The following TVP23A variants were observed in gnomAD, a reference collection of about 807,000 sequenced individuals.
The protein encoded by TVP23A is trans-golgi network vesicle protein 23 homolog A, also known as Golgi apparatus membrane protein TVP23 homolog A.
In TVP23A, 21 loss-of-function variants were observed where a neutral mutation model predicts 31.7. That is an observed-to-expected ratio of 0.66 (90% CI 0.47 to 0.95). TVP23A has a LOEUF of 0.95. Among genes scored for constraint, TVP23A ranks in the 40% least tolerant of loss-of-function variants. The pLI is 0.00. For missense variants in TVP23A, 279 were observed against 255.6 expected, an observed-to-expected ratio of 1.09 and a Z score of -0.62; for synonymous variants, 104 against 96.0, an observed-to-expected ratio of 1.08 and a Z score of -0.49.
At chr16:10,765,324 T>C (rs975321156), downstream of TVP23A, among the ~76,000 whole-genome samples, 1 of 114,554 alleles carries the variant, frequency 8.7e-6, no homozygotes, top group East Asian at 2.4e-4. This position sits in a 1 kb window ranked among gnomAD's most constrained non-coding sequence, Gnocchi z 4.0. Context: ...ATACCTCATC[T>C]CTTAAAAAAA....
intron 3 of TVP23A, among the ~76,000 whole-genome samples, chr16:10,774,598 TTCTC>T (rs146066049): frequency 2.0e-4 from 28 of 140,876 alleles, no homozygotes; most frequent in Admixed American, 1.1e-3. Flanking sequence ...TTGGCTCTCA[TTCTC>T]TCTCTTTTTT....
At chr16:10,814,836 A>T (rs959215459) in intron 2 of TVP23A, among the ~76,000 whole-genome samples, 1 of 152,200 alleles carries the variant, frequency 6.6e-6, no homozygotes, top group South Asian at 2.1e-4. Flanking sequence ...TCAGTGGACA[A>T]TGCACCTCCA....
At chr16:10,816,578 C>A (rs1360428751) in intron 2 of TVP23A, among the ~76,000 whole-genome samples, 2 of 152,118 alleles carry the variant, frequency 1.3e-5, no homozygotes, top group Non-Finnish European at 2.9e-5. Context: ...AAGTGATCTG[C>A]CCGCCTTGGC....
downstream of TVP23A, chr16:10,758,022 C>T: frequency 6.2e-7 from 1 of 1,612,424 alleles, no homozygotes; most frequent in South Asian, 1.1e-5. Context: ...CATCACCACT[C>T]CCCAGGTGAG....
intron 2 of TVP23A, among the ~76,000 whole-genome samples, chr16:10,805,698 TG>T (rs2033911027): frequency 6.6e-6 from 1 of 151,728 alleles, no homozygotes; most frequent in African/African-American, 2.4e-5. Flanking sequence ...CAAGTTACTT[TG>T]TTTTGATCAT....
chr16:10,779,192 G>T lies in TVP23A; in HGVS notation c.90-4096C>A, dbSNP rs1596510972. On this transcript the variant is annotated intron_variant, in intron 2 of 7. Coordinates refer to ENST00000299866, the MANE Select transcript of TVP23A (RefSeq NM_001079512.4). This position sits in a 1 kb window ranked among gnomAD's most constrained non-coding sequence, Gnocchi z 4.9. ...AATGGAAAGTGGTGTTACTCAAACA[G>T]AGTTCAAAGCCCAAAGCAAGTAGAA... Among the ~76,000 whole-genome samples, 1 of 152,162 alleles carries T rather than the reference G, an allele frequency of 6.6e-6. No homozygotes were observed. The highest frequency in any genetic ancestry group is 2.1e-4 in the South Asian group (1 of 4,832).
intron 2 of TVP23A, among the ~76,000 whole-genome samples, chr16:10,794,773 G>C (rs2033295306): frequency 6.6e-6 from 1 of 152,060 alleles, no homozygotes; most frequent in African/African-American, 2.4e-5. Context: ...GTCTGAGAGG[G>C]GGCCACCTGT....
chr16:10,758,956 A>G (rs1900757924), downstream of TVP23A, among the ~76,000 whole-genome samples: 1 of 152,180 alleles, frequency 6.6e-6, no homozygotes, highest in Non-Finnish European at 1.5e-5. Context: ...AGGCAGGACC[A>G]TGGTGCTATC....
chr16:10,774,341 T>A (rs539123953), intron 3 of TVP23A, among the ~76,000 whole-genome samples: 1 of 152,156 alleles, frequency 6.6e-6, no homozygotes, highest in Non-Finnish European at 1.5e-5. Flanking sequence ...ACAAAACATA[T>A]ATAATTTATA....
intron 2 of TVP23A, chr16:10,775,446 C>G (rs777322482): frequency 3.9e-5 from 42 of 1,078,190 alleles, no homozygotes; most frequent in Non-Finnish European, 4.5e-5. Context: ...CGGCCAGTTC[C>G]CTAAAGGTAA....
At chr16:10,762,596 C>T (rs149198602), downstream of TVP23A, among the ~76,000 whole-genome samples, 11 of 152,270 alleles carry the variant, frequency 7.2e-5, no homozygotes, top group Non-Finnish European at 1.2e-4. Flanking sequence ...GGGGCTCCTG[C>T]GGGGCGTCCA....
intron 2 of TVP23A, among the ~76,000 whole-genome samples, chr16:10,800,908 T>C (rs1160576794): frequency 2.0e-5 from 3 of 152,140 alleles, no homozygotes; most frequent in Non-Finnish European, 4.4e-5. Context: ...GGAGGATCAC[T>C]TGAGCCTGGA....
downstream of TVP23A, chr16:10,761,163 T>G: frequency 2.1e-6 from 1 of 487,622 alleles, no homozygotes; most frequent in Non-Finnish European, 3.7e-6. Context: ...AACTGCCTGT[T>G]CCTGTAGGGA....
At chr16:10,795,233 C>A (rs2033320784) in intron 2 of TVP23A, among the ~76,000 whole-genome samples, 1 of 150,610 alleles carries the variant, frequency 6.6e-6, no homozygotes, top group Non-Finnish European at 1.5e-5. Context: ...ATGTCTGCAT[C>A]CATGAGTTTA....
intron 2 of TVP23A, among the ~76,000 whole-genome samples, chr16:10,817,804 A>G (rs1159977624): frequency 6.6e-6 from 1 of 152,156 alleles, no homozygotes; most frequent in Non-Finnish European, 1.5e-5. Context: ...CCATGGCTGC[A>G]CTAAGGCAAG....
At position 10,797,445 on chromosome 16, in the gene TVP23A, G is replaced by A. The variant is rs138465295; in HGVS notation, c.89+20658C>T. On this transcript the variant is annotated intron_variant, in intron 2 of 7. Coordinates refer to ENST00000299866, the MANE Select transcript of TVP23A (RefSeq NM_001079512.4). ...CACATGCCTGTAATCCCAGCTACTC[G>A]GGAGGCTGAGACAGGAGAATCGCTT... is the stretch of plus-strand genomic sequence containing the variant. Among the ~76,000 whole-genome samples, 192 of 151,990 alleles carry A rather than the reference G, an allele frequency of 1.3e-3. 2 individuals are homozygous for A. In the East Asian group the frequency reaches 0.035, roughly 28 times the overall value.
At chr16:10,802,223 C>A (rs1430375468) in intron 2 of TVP23A, among the ~76,000 whole-genome samples, 2 of 147,956 alleles carry the variant, frequency 1.4e-5, no homozygotes, top group African/African-American at 5.0e-5. Context: ...ATGTCTGCAT[C>A]CATGAGTTTA....
At chr16:10,759,201 G>A (rs1900774982), downstream of TVP23A, among the ~76,000 whole-genome samples, 1 of 152,210 alleles carries the variant, frequency 6.6e-6, no homozygotes, top group Non-Finnish European at 1.5e-5. The surrounding 1 kb of genome is among the most constrained non-coding windows in gnomAD (Gnocchi z 4.7). Context: ...TCTCCCTGGT[G>A]GCCCCTGTGG....
chr16:10,788,312 T>C (rs2032890685), intron 2 of TVP23A, among the ~76,000 whole-genome samples: 1 of 152,002 alleles, frequency 6.6e-6, no homozygotes, highest in East Asian at 1.9e-4. Flanking sequence ...TCTTGCTCTG[T>C]CGCCCAGGTT....
Sources: gnomAD v4.1 joint callset for allele counts (sites outside exome capture counted in the v4.1 genomes callset) on GRCh38, gnomAD v4.1.1 for gene constraint, Gnocchi (gnomAD v3.1) non-coding constraint, MANE v1.5 for transcripts, NCBI Gene and HGNC (gene_info 2026-07-23, HGNC 2026-07-21) for gene names.